PTPRD: variants seen among roughly 807,000 people sequenced by gnomAD.
PTPRD encodes receptor-type tyrosine-protein phosphatase delta.
Under a neutral mutation model 214.5 loss-of-function variants are expected in PTPRD, and 34 were observed. The ratio of observed to expected loss-of-function variants is 0.16; its 90% CI spans 0.12 to 0.21. The LOEUF is 0.21. PTPRD is among the 10% of genes least tolerant of loss of function. The probability of loss-of-function intolerance (pLI) is 1.00; values close to 1 mark genes in which losing one functional copy is unlikely to be tolerated. For synonymous variants in PTPRD, 1,128 were observed against 845.7 expected, an observed-to-expected ratio of 1.33 and a Z score of -5.79; for missense variants, 2,545 against 2,398.7, an observed-to-expected ratio of 1.06 and a Z score of -1.27.
chr9:8,503,177 C>T (rs1369704765), intron 23 of PTPRD, among the ~76,000 whole-genome samples: 1 of 151,862 alleles, frequency 6.6e-6, no homozygotes, highest in Non-Finnish European at 1.5e-5. Flanking sequence ...TCAAAAAACC[C>T]TGAAAGTTTT....
rs182108376 is a variant in PTPRD at position 10,360,906 on chromosome 9, T to A, written c.-599-19889A>T. ...TCGCGAGGTCAGGAGATCGAGGCCA[T>A]CCTGGCTAACACGATGAAACCCCGT... On this transcript the variant is annotated intron_variant, in intron 2 of 45. Coordinates refer to ENST00000381196, the MANE Select transcript of PTPRD (RefSeq NM_002839.4). Among the ~76,000 whole-genome samples, 455 of 152,170 alleles carry A rather than the reference T, an allele frequency of 3.0e-3. 2 individuals carry two copies. Among genetic ancestry groups the A allele is most frequent in the African/African-American group, 0.011 (441 of 41,528 alleles).
At chr9:10,173,690 C>A (rs1406728099) in intron 3 of PTPRD, among the ~76,000 whole-genome samples, 1 of 151,572 alleles carries the variant, frequency 6.6e-6, no homozygotes, top group South Asian at 2.1e-4. Flanking sequence ...TAAGGATAAA[C>A]AGAAAATAAC....
chr9:10,273,024 G>A (rs1393828963), intron 3 of PTPRD, among the ~76,000 whole-genome samples: 1 of 152,138 alleles, frequency 6.6e-6, no homozygotes, highest in Non-Finnish European at 1.5e-5. Context: ...GGAAAAATTG[G>A]CTTTTCCCAG....
intron 9 of PTPRD, among the ~76,000 whole-genome samples, chr9:9,253,644 A>G (rs922929281): frequency 2.6e-5 from 4 of 152,110 alleles, no homozygotes; most frequent in African/African-American, 9.7e-5. Flanking sequence ...CAGATGCCAA[A>G]GCATAAAAAA....
chr9:8,592,353 A>G (rs2094170287), intron 14 of PTPRD, among the ~76,000 whole-genome samples: 1 of 152,132 alleles, frequency 6.6e-6, no homozygotes, highest in Non-Finnish European at 1.5e-5. Flanking sequence ...AACCAATCTA[A>G]GCACCTGGTG....
At chr9:8,359,402 G>C (rs2077886666) in intron 39 of PTPRD, among the ~76,000 whole-genome samples, 1 of 151,896 alleles carries the variant, frequency 6.6e-6, no homozygotes, top group African/African-American at 2.4e-5. Flanking sequence ...TCAGCTCACT[G>C]CAACTTCCAC....
chr9:9,518,320 A>C (rs1458356112), intron 8 of PTPRD, among the ~76,000 whole-genome samples: 1 of 152,084 alleles, frequency 6.6e-6, no homozygotes, highest in African/African-American at 2.4e-5. Flanking sequence ...CTAATATAGA[A>C]AATTCTTTTT....
At chr9:8,436,212 A>C (rs2095342046) in intron 35 of PTPRD, among the ~76,000 whole-genome samples, 1 of 152,136 alleles carries the variant, frequency 6.6e-6, no homozygotes, top group South Asian at 2.1e-4. Context: ...AAAAGGGGAG[A>C]TGTTGATCAG....
chr9:9,001,564 C>T (rs1016954782), intron 11 of PTPRD, among the ~76,000 whole-genome samples: 12 of 151,880 alleles, frequency 7.9e-5, no homozygotes, highest in Non-Finnish European at 1.6e-4. Context: ...AGCTCTGGAT[C>T]GGGTTCAAAA....
chr9:9,529,175 G>A (rs1319743335), intron 8 of PTPRD, among the ~76,000 whole-genome samples: 8 of 150,730 alleles, frequency 5.3e-5, no homozygotes, highest in Middle Eastern at 3.2e-3. Context: ...CTCGTGATCC[G>A]CCCGCCTTGG....
At chr9:8,830,954 T>C (rs931900774) in intron 11 of PTPRD, among the ~76,000 whole-genome samples, 5 of 152,200 alleles carry the variant, frequency 3.3e-5, no homozygotes, top group African/African-American at 1.2e-4. Flanking sequence ...GTATGAAGTT[T>C]ATATTTTTAA....
chr9:9,582,516 G>C (rs1280857811), intron 7 of PTPRD, among the ~76,000 whole-genome samples: 1 of 151,286 alleles, frequency 6.6e-6, no homozygotes, highest in Admixed American at 6.6e-5. Context: ...GAATCTGAGA[G>C]ATAAATAAAT....
intron 9 of PTPRD, among the ~76,000 whole-genome samples, chr9:9,229,348 G>T (rs1247077111): frequency 6.6e-6 from 1 of 152,068 alleles, no homozygotes; most frequent in African/African-American, 2.4e-5. Context: ...GGGGCCCAGA[G>T]AATTAAGACA....
At chr9:8,603,935 GT>G (rs777899536) in intron 14 of PTPRD, among the ~76,000 whole-genome samples, 19 of 152,150 alleles carry the variant, frequency 1.2e-4, no homozygotes, top group Non-Finnish European at 2.1e-4. Flanking sequence ...ACTATAATGT[GT>G]TTCCTATCAA....
chr9:9,540,234 T>C (rs1265620626), intron 8 of PTPRD, among the ~76,000 whole-genome samples: 1 of 149,170 alleles, frequency 6.7e-6, no homozygotes, highest in African/African-American at 2.5e-5. Context: ...TGAGATATGT[T>C]ACTCACACAG....
chr9:8,648,835 T>C (rs760194071), intron 12 of PTPRD, among the ~76,000 whole-genome samples: 6 of 152,224 alleles, frequency 3.9e-5, no homozygotes, highest in Non-Finnish European at 8.8e-5. Context: ...CTACCAATGC[T>C]TTAGCATCTT....
At chr9:8,829,993 G>C (rs2097256239) in intron 11 of PTPRD, among the ~76,000 whole-genome samples, 1 of 152,078 alleles carries the variant, frequency 6.6e-6, no homozygotes, top group South Asian at 2.1e-4. Context: ...TATTTACTGG[G>C]TAATACCAGT....
intron 8 of PTPRD, among the ~76,000 whole-genome samples, chr9:9,526,510 C>A (rs1447038801): frequency 6.6e-6 from 1 of 152,066 alleles, no homozygotes; most frequent in African/African-American, 2.4e-5. Context: ...TTTAAAAATA[C>A]AGACTAGAGT....
intron 9 of PTPRD, among the ~76,000 whole-genome samples, chr9:9,195,642 C>T (rs186227126): frequency 1.1e-3 from 171 of 151,978 alleles, no homozygotes; most frequent in Non-Finnish European, 2.2e-3. Context: ...GCATTCGCTT[C>T]CCACAGAGTC....
Sources: gnomAD v4.1 joint callset for allele counts (sites outside exome capture counted in the v4.1 genomes callset) on GRCh38, gnomAD v4.1.1 for gene constraint, MANE v1.5 for transcripts, NCBI Gene and HGNC (gene_info 2026-07-23, HGNC 2026-07-21) for gene names.